The following RABGAP1L variants were observed in gnomAD, a reference collection of about 807,000 sequenced individuals.
The protein encoded by RABGAP1L is RAB GTPase activating protein 1 like.
RABGAP1L carries 63 observed loss-of-function variants against 137.7 expected under a neutral mutation model. The observed-to-expected ratio is 0.46, with a 90% CI of 0.37 to 0.56. The LOEUF is 0.56. RABGAP1L is among the 20% of genes least tolerant of loss of function. RABGAP1L has a pLI of 0.00. For synonymous variants in RABGAP1L, 431 were observed against 433.7 expected (o/e 0.99, Z 0.08); for missense variants, 1,095 against 1,244.0 (o/e 0.88, Z 1.80).
chr1:174,194,816 G>A (rs1667454003), intron 1 of RABGAP1L, among the ~76,000 whole-genome samples: 2 of 152,234 alleles, frequency 1.3e-5, no homozygotes, highest in East Asian at 1.9e-4. Flanking sequence ...GACTGCTGGT[G>A]GGCACAGGGT....
intron 13 of RABGAP1L, chr1:174,449,213 A>C: frequency 6.5e-7 from 1 of 1,537,202 alleles, no homozygotes; most frequent in Non-Finnish European, 8.7e-7. Context: ...GCTACATAGT[A>C]AATCAAATGT....
At chr1:174,274,606 C>CTGTGTGTGTGTGTGTGTGTGTGTGTG (rs61468070) in intron 8 of RABGAP1L, among the ~76,000 whole-genome samples, 19 of 146,160 alleles carry the variant, frequency 1.3e-4, no homozygotes, top group African/African-American at 4.8e-4. Flanking sequence ...ACAGGTGACT[C>CTGTGTGTGTGTGTGTGTGTGTGTGTG]TGTGTGTGTG....
At chr1:174,615,501 C>A (rs528790707) in intron 13 of RABGAP1L, among the ~76,000 whole-genome samples, 1 of 152,328 alleles carries the variant, frequency 6.6e-6, no homozygotes, top group African/African-American at 2.4e-5. Context: ...GGGTGCCTCC[C>A]AGTTAGGCTT....
At chr1:174,440,233 C>T (rs938247554) in intron 13 of RABGAP1L, among the ~76,000 whole-genome samples, 1 of 152,116 alleles carries the variant, frequency 6.6e-6, no homozygotes, top group Non-Finnish European at 1.5e-5. Flanking sequence ...TTTGTAGCAC[C>T]TATTAAGATC....
chr1:174,780,108 AAATAAATAAATT>A (rs1305523237), intron 18 of RABGAP1L, among the ~76,000 whole-genome samples: 25 of 83,148 alleles, frequency 3.0e-4, no homozygotes, highest in African/African-American at 3.9e-4. Flanking sequence ...ATAAATAAAT[AAATAAATAAATT>A]AAATAAGCCC....
intron 13 of RABGAP1L, among the ~76,000 whole-genome samples, chr1:174,524,990 C>G (rs1417977057): frequency 1.3e-5 from 2 of 151,970 alleles, no homozygotes; most frequent in African/African-American, 4.8e-5. Flanking sequence ...CTATTTTGTT[C>G]CATTCGTCTT....
chr1:174,864,262 T>C (rs550391674), intron 19 of RABGAP1L, among the ~76,000 whole-genome samples: 13 of 152,318 alleles, frequency 8.5e-5, no homozygotes, highest in Middle Eastern at 3.4e-3. Flanking sequence ...AGCCTTGGTG[T>C]GTTTACTTGT....
At chr1:174,937,081 C>T (rs183570527) in intron 19 of RABGAP1L, among the ~76,000 whole-genome samples, 5 of 136,502 alleles carry the variant, frequency 3.7e-5, no homozygotes, top group South Asian at 2.3e-4. Flanking sequence ...TGAGTTCAAG[C>T]GATTCTTCTG....
At chr1:174,781,700 G>A (rs1325465699) in intron 18 of RABGAP1L, among the ~76,000 whole-genome samples, 1 of 152,128 alleles carries the variant, frequency 6.6e-6, no homozygotes, top group Non-Finnish European at 1.5e-5. Flanking sequence ...ATGGTTTTAG[G>A]TCTAATATTT....
intron 18 of RABGAP1L, among the ~76,000 whole-genome samples, chr1:174,810,414 C>CTA (rs780832947): frequency 1.3e-5 from 2 of 152,208 alleles, no homozygotes; most frequent in African/African-American, 2.4e-5. Context: ...TAGGATTGGA[C>CTA]TACATGTCTT....
intron 19 of RABGAP1L, among the ~76,000 whole-genome samples, chr1:174,882,588 A>G (rs1213237020): frequency 1.3e-5 from 2 of 152,230 alleles, no homozygotes; most frequent in African/African-American, 2.4e-5. Context: ...AAATCTCTCT[A>G]TCCACACTTT....
intron 13 of RABGAP1L, among the ~76,000 whole-genome samples, chr1:174,537,304 A>G (rs757740278): frequency 6.6e-6 from 1 of 152,224 alleles, no homozygotes; most frequent in African/African-American, 2.4e-5. Context: ...ACATAGAGCT[A>G]TATCAGTACT....
chr1:174,375,884 A>T (rs1356778222), intron 12 of RABGAP1L, among the ~76,000 whole-genome samples: 1 of 151,950 alleles, frequency 6.6e-6, no homozygotes, highest in Non-Finnish European at 1.5e-5. Context: ...AGCCAACATA[A>T]TGAAACCCTA....
chr1:174,888,233 CAAAT>C lies in RABGAP1L; in HGVS notation c.2341-69221_2341-69218del, dbSNP rs1655509432. Among the ~76,000 whole-genome samples, 4 of 152,044 alleles carry C rather than the reference CAAAT, an allele frequency of 2.6e-5. No homozygotes were observed. The South Asian group carries it at 8.3e-4, about 32-fold the overall frequency. ...GTGGTATCTATAGGTGGCAAAATCA[CAAAT>C]AACACAGTGGATTATTGGCTACATT... is the stretch of plus-strand genomic sequence containing the variant. On this transcript the variant is annotated intron_variant, in intron 19 of 25. Transcript: ENST00000681986.
rs748605755 is a variant in RABGAP1L at position 174,637,365 on chromosome 1, T to C, written c.1711-10T>C. 12 of 1,576,246 alleles carry C rather than the reference T, an allele frequency of 7.6e-6. No individual in the cohort carries two copies. In the African/African-American group the frequency reaches 1.6e-4, roughly 21 times the overall value. On this transcript the variant is annotated splice_polypyrimidine_tract_variant and intron_variant, in intron 13 of 25. Coordinates refer to ENST00000681986, the MANE Select transcript of RABGAP1L (RefSeq NM_001366446.1). ...ATTTAATAACCAGGTCTATTTTCTT[T>C]CTTTTTTAGGACTCAGCCCAGGAGA... is the stretch of plus-strand genomic sequence containing the variant.
At chr1:174,536,986 T>C (rs190826498) in intron 13 of RABGAP1L, among the ~76,000 whole-genome samples, 2 of 152,210 alleles carry the variant, frequency 1.3e-5, no homozygotes, top group Non-Finnish European at 2.9e-5. Flanking sequence ...AGAGCATAAG[T>C]AGATACTGAC....
intron 13 of RABGAP1L, among the ~76,000 whole-genome samples, chr1:174,526,488 A>C (rs1166014495): frequency 2.0e-5 from 3 of 152,068 alleles, no homozygotes; most frequent in African/African-American, 7.2e-5. Context: ...TTGTTGGGAG[A>C]CATTTTAATT....
intron 15 of RABGAP1L, among the ~76,000 whole-genome samples, chr1:174,684,894 C>G (rs539637545): frequency 6.6e-6 from 1 of 152,032 alleles, no homozygotes; most frequent in Non-Finnish European, 1.5e-5. Context: ...AGTGGGAGGA[C>G]CACTTGAGCC....
chr1:174,794,346 TA>T (rs1688082653), intron 18 of RABGAP1L, among the ~76,000 whole-genome samples: 1 of 152,220 alleles, frequency 6.6e-6, no homozygotes, highest in Non-Finnish European at 1.5e-5. Flanking sequence ...TTTGTCTTTC[TA>T]AACCCTAACC....
Sources: gnomAD v4.1 joint callset for allele counts (sites outside exome capture counted in the v4.1 genomes callset) on GRCh38, gnomAD v4.1.1 for gene constraint, MANE v1.5 for transcripts, NCBI Gene and HGNC (gene_info 2026-07-23, HGNC 2026-07-21) for gene names.